CDH2: variants seen among roughly 807,000 people sequenced by gnomAD.
The protein encoded by CDH2 is cadherin-2.
In CDH2, 17 loss-of-function variants were observed where a neutral mutation model predicts 92.0. The observed-to-expected ratio is 0.18, with a 90% CI of 0.13 to 0.28. The LOEUF is 0.28. CDH2 is among the 10% of genes least tolerant of loss of function. The pLI, the probability that CDH2 is intolerant of heterozygous loss-of-function variation, is 1.00. For missense variants in CDH2, 862 were observed against 1,133.1 expected, an observed-to-expected ratio of 0.76 and a Z score of 3.44; for synonymous variants, 419 against 415.9, an observed-to-expected ratio of 1.01 and a Z score of -0.09.
intron 14 of CDH2, among the ~76,000 whole-genome samples, chr18:27,982,655 G>A (rs949396478): frequency 2.0e-5 from 3 of 151,642 alleles, no homozygotes; most frequent in African/African-American, 7.3e-5. Context: ...TGGATATCCA[G>A]TGAAGAGAAA....
In CDH2 at chr18:27,955,780, T is replaced by A. The variant is rs1282136496; in HGVS notation, c.2515-3421A>T. ...ATTTCTGTTTTTTTTTTTTTTTTTT[T>A]AAAGAGGTTAAGGCCATAAAATCCA... On this transcript the variant is annotated intron_variant, in intron 15 of 15. Coordinates refer to ENST00000269141, the MANE Select transcript of CDH2 (RefSeq NM_001792.5). Among the ~76,000 whole-genome samples the A allele has an allele frequency of 1.8e-4, 26 of 143,124 alleles. 1 individual carries two copies. Among genetic ancestry groups the A allele is most frequent in the African/African-American group, 6.4e-4 (25 of 39,330 alleles). 93.9% of individuals were successfully genotyped at this position (143,124 alleles called of 152,430 possible). A position where few individuals can be genotyped will look rare whatever the true frequency, so the allele number is the denominator to read the frequency against.
Position 27,952,311 on chromosome 18 carries a change from G to A in CDH2, c.2563C>T (p.Leu855=). The A allele has an allele frequency of 6.2e-7, 1 of 1,613,630 alleles. No individual in the cohort carries two copies. The highest frequency in any genetic ancestry group is 8.5e-7 in the Non-Finnish European group (1 of 1,179,708). ...CTGCCTTCATAGTCAAACACTAACA[G>A]GGAGTCATATGGTGGAGCTGTGGGG... ...NDPTAPPYDS[L]LVFDYEGSGS... The change falls in exon 16 of 16, where the codon CTG becomes TTG. Residue 855 remains leucine, a synonymous_variant. Transcript: ENST00000269141.
chr18:28,064,230 C>T (rs2014462528), intron 2 of CDH2, among the ~76,000 whole-genome samples: 1 of 152,096 alleles, frequency 6.6e-6, no homozygotes, highest in African/African-American at 2.4e-5. Context: ...GAGGCAATCC[C>T]TGGGGAGTGG....
intron 2 of CDH2, chr18:28,146,235 C>A (rs1226050745): frequency 6.6e-6 from 1 of 152,054 alleles, no homozygotes; most frequent in Non-Finnish European, 1.5e-5. Context: ...TGCAGCAATG[C>A]AACAAATTCC....
At chr18:28,128,675 G>A (rs910390847) in intron 2 of CDH2, among the ~76,000 whole-genome samples, 2 of 149,890 alleles carry the variant, frequency 1.3e-5, no homozygotes, top group South Asian at 2.1e-4. Context: ...AACAGGGCAC[G>A]ACCCCGTCTC....
At chr18:28,176,680 G>T (rs1041194507) in intron 1 of CDH2, among the ~76,000 whole-genome samples, 2 of 152,044 alleles carry the variant, frequency 1.3e-5, no homozygotes. Context: ...CCCCCCGCGA[G>T]CTTGCTCGGC....
Position 28,113,151 on chromosome 18 carries a change from T to C in CDH2, c.172+34522A>G, listed in dbSNP as rs1286912128. 2.0e-5 allele frequency among the ~76,000 whole-genome samples: 3 copies of C among 152,094 alleles called. No individual in the cohort carries two copies. In the East Asian group the frequency reaches 5.8e-4, roughly 29 times the overall value. On this transcript the variant is annotated intron_variant, in intron 2 of 15. Coordinates refer to ENST00000269141, the MANE Select transcript of CDH2 (RefSeq NM_001792.5). ...GAATTAGGACAGTGGAAGTATGAGG[T>C]AAGCTGCAAGTGTAATTTGAAAGTT...
At chr18:28,151,378 T>C (rs1360511760) in intron 1 of CDH2, among the ~76,000 whole-genome samples, 1 of 152,174 alleles carries the variant, frequency 6.6e-6, no homozygotes, top group Non-Finnish European at 1.5e-5. Context: ...TTTTCTCTTT[T>C]TCATTATAAA....
intron 1 of CDH2, among the ~76,000 whole-genome samples, chr18:28,167,873 G>A (rs2016409434): frequency 6.6e-6 from 1 of 152,088 alleles, no homozygotes; most frequent in Non-Finnish European, 1.5e-5. Context: ...ATAGACTTTA[G>A]CAAGAGAGTG....
chr18:27,949,430 T>C (rs1375093377), downstream of CDH2, among the ~76,000 whole-genome samples: 2 of 151,986 alleles, frequency 1.3e-5, no homozygotes, highest in East Asian at 3.9e-4. Flanking sequence ...TTGTTTTTAA[T>C]AGCAAAAAAA....
At chr18:28,034,111 C>A (rs2013766756) in intron 2 of CDH2, among the ~76,000 whole-genome samples, 1 of 151,984 alleles carries the variant, frequency 6.6e-6, no homozygotes, top group African/African-American at 2.4e-5. Context: ...GAACTAAAAG[C>A]CAGTAAACCG....
chr18:28,037,394 C>G (rs1406822232), intron 2 of CDH2, among the ~76,000 whole-genome samples: 1 of 152,122 alleles, frequency 6.6e-6, no homozygotes, highest in Non-Finnish European at 1.5e-5. Context: ...AATGGATTGT[C>G]AGATGTCTTG....
At chr18:28,128,851 T>C (rs2015720444) in intron 2 of CDH2, among the ~76,000 whole-genome samples, 1 of 152,188 alleles carries the variant, frequency 6.6e-6, no homozygotes, top group Admixed American at 6.5e-5. Flanking sequence ...ACAAACAGGA[T>C]GCACTCGGCC....
intron 2 of CDH2, among the ~76,000 whole-genome samples, chr18:28,060,939 C>T (rs997857579): frequency 6.6e-6 from 1 of 152,206 alleles, no homozygotes. Context: ...TGCTACTTCT[C>T]ATGCAAATTC....
In CDH2 at chr18:27,935,131, T is replaced by C. The variant is rs867725185; in HGVS notation, c.1152-2007A>G. ...TGGGAAACTTAGCCTTCCACACTCA[T>C]AGTAAGTATTGCCATGTGTATTAGT... On this transcript the variant is annotated intron_variant, in intron 6 of 6. Transcript: ENST00000675173. Among the ~76,000 whole-genome samples the C allele has an allele frequency of 2.0e-5, 3 of 152,262 alleles. No individual in the cohort carries two copies. The South Asian group carries it at 6.2e-4, about 32-fold the overall frequency.
At chr18:27,935,898 C>T (rs1909007232) in intron 6 of CDH2, among the ~76,000 whole-genome samples, 1 of 152,148 alleles carries the variant, frequency 6.6e-6, no homozygotes, top group Non-Finnish European at 1.5e-5. Flanking sequence ...TTTCATTTCA[C>T]ATTTAAAGGA....
chr18:27,988,480 T>C, intron 11 of CDH2, 44 bp downstream of exon 11: 1 of 1,562,930 alleles, frequency 6.4e-7, no homozygotes, highest in Non-Finnish European at 8.8e-7. Context: ...ATGATGAGGA[T>C]CTACTGTCTT....
chr18:28,146,387 A>T (rs2016035395), intron 2 of CDH2: 1 of 152,044 alleles, frequency 6.6e-6, no homozygotes, highest in African/African-American at 2.4e-5. Flanking sequence ...GAACTCCAAA[A>T]GTCATATTAA....
intron 2 of CDH2, among the ~76,000 whole-genome samples, chr18:28,115,182 G>A (rs959968897): frequency 1.3e-5 from 2 of 152,168 alleles, no homozygotes; most frequent in African/African-American, 2.4e-5. Flanking sequence ...TACTCAGAGC[G>A]CTAGCTCCTG....
Sources: allele counts gnomAD v4.1 joint callset (sites outside exome capture counted in the v4.1 genomes callset), GRCh38; gene constraint gnomAD v4.1.1; transcripts MANE v1.5; gene names NCBI Gene and HGNC (gene_info 2026-07-23, HGNC 2026-07-21).